The following SYT1 variants were observed in gnomAD, a reference collection of about 807,000 sequenced individuals.
The protein encoded by SYT1 is synaptotagmin 1, also known as synaptotagmin-1.
In SYT1, 8 loss-of-function variants were observed where a neutral mutation model predicts 44.8. The observed-to-expected ratio is 0.18, with a 90% CI of 0.10 to 0.32. The LOEUF (loss-of-function observed/expected upper bound fraction) is 0.32, where lower values mean the gene tolerates loss of function less well. SYT1 is among the 10% of genes least tolerant of loss of function. The pLI, the probability that SYT1 is intolerant of heterozygous loss-of-function variation, is 1.00. For synonymous variants in SYT1, 154 were observed against 188.8 expected, an observed-to-expected ratio of 0.82 and a Z score of 1.51; for missense variants, 286 against 509.3, an observed-to-expected ratio of 0.56 and a Z score of 4.22.
Position 78,884,436 on chromosome 12 carries a change from G to C in SYT1, c.-217+19327G>C, listed in dbSNP as rs1189165687. 3.3e-5 allele frequency among the ~76,000 whole-genome samples: 5 copies of C among 150,626 alleles called. No homozygotes were observed. The Admixed American group carries it at 3.3e-4, about 10-fold the overall frequency. ...ATTTAGTTTTTTTCTAGTAAAATTT[G>C]TGATGACAGTAACAATGAACATAAG... On this transcript the variant is annotated intron_variant, in intron 1 of 10. Transcript: ENST00000261205.
chr12:79,281,913 G>A (rs567320010), intron 4 of SYT1, among the ~76,000 whole-genome samples: 13 of 152,288 alleles, frequency 8.5e-5, no homozygotes, highest in Non-Finnish European at 1.3e-4. Flanking sequence ...AAATCAAGGC[G>A]TCAGCAGGGC....
chr12:78,927,311 A>G (rs891479282), intron 1 of SYT1, among the ~76,000 whole-genome samples: 3 of 152,176 alleles, frequency 2.0e-5, no homozygotes, highest in African/African-American at 7.2e-5. Flanking sequence ...CATGAAATCC[A>G]ACCACACATT....
intron 8 of SYT1, among the ~76,000 whole-genome samples, chr12:79,348,120 C>T (rs1882687603): frequency 1.3e-5 from 2 of 152,066 alleles, no homozygotes; most frequent in Admixed American, 6.6e-5. Flanking sequence ...GTGTAAGGAA[C>T]AGATGTTATT....
chr12:79,058,881 T>C (rs539444833), intron 3 of SYT1, among the ~76,000 whole-genome samples: 1 of 152,170 alleles, frequency 6.6e-6, no homozygotes, highest in African/African-American at 2.4e-5. Flanking sequence ...GTTTCTTTAT[T>C]TTAATACATA....
chr12:79,090,448 C>T (rs1269776982), intron 3 of SYT1, among the ~76,000 whole-genome samples: 1 of 151,978 alleles, frequency 6.6e-6, no homozygotes, highest in Non-Finnish European at 1.5e-5. Flanking sequence ...ACCTCTCACA[C>T]TTTCCTGTTT....
chr12:79,345,223 G>C (rs1882555497), intron 8 of SYT1, among the ~76,000 whole-genome samples: 1 of 152,146 alleles, frequency 6.6e-6, no homozygotes, highest in African/African-American at 2.4e-5. Flanking sequence ...CATTTGCATG[G>C]CCAGCACATT....
At chr12:79,209,023 G>C (rs1874287611) in intron 3 of SYT1, among the ~76,000 whole-genome samples, 1 of 152,164 alleles carries the variant, frequency 6.6e-6, no homozygotes, top group South Asian at 2.1e-4. Context: ...TTTTAGGTTA[G>C]CCAAACTGCT....
chr12:79,305,245 A>G (rs1037931523), intron 8 of SYT1, among the ~76,000 whole-genome samples: 2 of 152,194 alleles, frequency 1.3e-5, no homozygotes, highest in Non-Finnish European at 2.9e-5. Flanking sequence ...AATTCCCTAG[A>G]AAAGTAATAT....
At chr12:78,937,360 T>A (rs944085046) in intron 1 of SYT1, among the ~76,000 whole-genome samples, 1 of 152,146 alleles carries the variant, frequency 6.6e-6, no homozygotes, top group Non-Finnish European at 1.5e-5. Flanking sequence ...GAGAAGACTT[T>A]GTGGCCTTTA....
At chr12:78,948,067 A>G (rs535352728) in intron 1 of SYT1, among the ~76,000 whole-genome samples, 1 of 151,980 alleles carries the variant, frequency 6.6e-6, no homozygotes, top group African/African-American at 2.4e-5. Context: ...ATACAAATAT[A>G]ACAATGAAAG....
intron 9 of SYT1, among the ~76,000 whole-genome samples, chr12:79,441,658 A>T (rs1490957507): frequency 1.3e-5 from 2 of 152,120 alleles, no homozygotes; most frequent in African/African-American, 2.4e-5. Flanking sequence ...AAATAGTAGA[A>T]TACATCTGAG....
chr12:79,387,846 T>C (rs900247729), intron 9 of SYT1, among the ~76,000 whole-genome samples: 2 of 152,232 alleles, frequency 1.3e-5, no homozygotes, highest in African/African-American at 4.8e-5. Context: ...TCCCAGTAGA[T>C]GGTTTTGAAA....
At position 78,881,941 on chromosome 12, in the gene SYT1, C is replaced by A. The variant is rs576102717; in HGVS notation, c.-217+16832C>A. ...GAGGATACTTCTGATCTCTCAATGA[C>A]AATTTTGTCTCCCATTATATTTCCC... On this transcript the variant is annotated intron_variant, in intron 1 of 10. Coordinates refer to ENST00000261205, the MANE Select transcript of SYT1 (RefSeq NM_005639.3). Among the ~76,000 whole-genome samples, 667 of 150,566 alleles carry A rather than the reference C, an allele frequency of 4.4e-3. 3 individuals are homozygous for A. Among genetic ancestry groups the A allele is most frequent in the Non-Finnish European group, 5.8e-3 (392 of 67,566 alleles).
Position 79,312,809 on chromosome 12 carries a change from T to G in SYT1, c.810+13258T>G, listed in dbSNP as rs541040408. Reference sequence around the variant, plus strand: ...TTTTGATAAGGCTTGTAACTATGGCTGGATGTTTTGCTCTAGTCTTCTAAG... The same window carrying G: ...TTTTGATAAGGCTTGTAACTATGGCGGGATGTTTTGCTCTAGTCTTCTAAG... On this transcript the variant is annotated intron_variant, in intron 8 of 10. Coordinates refer to ENST00000261205, the MANE Select transcript of SYT1 (RefSeq NM_005639.3). 2.8e-5 allele frequency among the ~76,000 whole-genome samples: 4 copies of G among 142,038 alleles called. No individual in the cohort carries two copies. In the Admixed American group the frequency reaches 2.9e-4, roughly 10 times the overall value. 93.2% of individuals were successfully genotyped at this position (142,038 alleles called of 152,430 possible). A position where few individuals can be genotyped will look rare whatever the true frequency, so the allele number is the denominator to read the frequency against.
rs1360855181 is a variant in SYT1 at position 79,299,367 on chromosome 12, C to T, written c.643-17C>T. 1 of 1,611,010 alleles carries T rather than the reference C, an allele frequency of 6.2e-7. No individual in the cohort carries two copies. Among genetic ancestry groups the T allele is most frequent in the Non-Finnish European group, 8.5e-7 (1 of 1,178,712 alleles). ...TTTTTGTGACTGGATATTTTATCCT[C>T]ATGTCTTTTAATTTAGGTACCATAC... is the stretch of plus-strand genomic sequence containing the variant. On this transcript the variant is annotated splice_polypyrimidine_tract_variant and intron_variant, in intron 7 of 10. Coordinates refer to ENST00000261205, the MANE Select transcript of SYT1 (RefSeq NM_005639.3).
chr12:79,206,573 T>G (rs1349425055), intron 3 of SYT1, among the ~76,000 whole-genome samples: 1 of 152,212 alleles, frequency 6.6e-6, no homozygotes, highest in Non-Finnish European at 1.5e-5. Flanking sequence ...GAGTGTTTAA[T>G]CCATCACTCA....
At chr12:79,207,808 C>A (rs7304549) in intron 3 of SYT1, among the ~76,000 whole-genome samples, 115,596 of 152,038 alleles carry the variant, frequency 0.76, 44,789 homozygotes, top group African/African-American at 0.91. Flanking sequence ...TCTTTAAGAA[C>A]GACGGCTCCT....
chr12:78,933,141 G>T (rs577377922), intron 1 of SYT1, among the ~76,000 whole-genome samples: 6 of 152,004 alleles, frequency 3.9e-5, no homozygotes, highest in African/African-American at 1.2e-4. Context: ...AAATATCTAG[G>T]GCATAGATAT....
intron 8 of SYT1, among the ~76,000 whole-genome samples, chr12:79,316,224 A>G (rs1881077579): frequency 6.6e-6 from 1 of 152,136 alleles, no homozygotes; most frequent in African/African-American, 2.4e-5. Flanking sequence ...TTCTTACCAC[A>G]GATTAGTTTG....
Sources: gnomAD v4.1 joint callset for allele counts (sites outside exome capture counted in the v4.1 genomes callset) on GRCh38, gnomAD v4.1.1 for gene constraint, MANE v1.5 for transcripts, NCBI Gene and HGNC (gene_info 2026-07-23, HGNC 2026-07-21) for gene names.